FGD3: variants seen among roughly 807,000 people sequenced by gnomAD.
FGD3 encodes FYVE, RhoGEF and PH domain containing 3.
FGD3 carries 45 observed loss-of-function variants against 71.8 expected under a neutral mutation model. The ratio of observed to expected loss-of-function variants is 0.63; its 90% CI spans 0.49 to 0.80. FGD3 has a LOEUF of 0.80. Ranked by LOEUF, FGD3 falls within the 30% of genes least tolerant of loss-of-function variation. The pLI is 0.00. For synonymous variants in FGD3, 378 were observed against 392.8 expected, an observed-to-expected ratio of 0.96 and a Z score of 0.44; for missense variants, 844 against 951.5, an observed-to-expected ratio of 0.89 and a Z score of 1.49.
Position 93,021,959 on chromosome 9 carries a change from G to A in FGD3, c.1495-368G>A, listed in dbSNP as rs373600970. On this transcript the variant is annotated intron_variant, in intron 13 of 17. Transcript: ENST00000375482. Reference sequence around the variant, plus strand: ...GGAGCCTCACTGTGCTGAGAAAGTCGGGGAGCTGCAGAGACTCCACAAGGA... The same window carrying A: ...GGAGCCTCACTGTGCTGAGAAAGTCAGGGAGCTGCAGAGACTCCACAAGGA... Among the ~76,000 whole-genome samples, 19 of 152,280 alleles carry A rather than the reference G, an allele frequency of 1.2e-4. 1 individual carries two copies. Among genetic ancestry groups the A allele is most frequent in the African/African-American group, 9.6e-5 (4 of 41,548 alleles).
In FGD3 at chr9:93,004,138, G is replaced by A; in HGVS notation, c.680+1G>A. Reference sequence around the variant, plus strand: ...TGAAGACGCGGATCACGGAGGAGTGGTGAGTACCATCTGCGCATGCCCATG... The same window carrying A: ...TGAAGACGCGGATCACGGAGGAGTGATGAGTACCATCTGCGCATGCCCATG... On this transcript the variant is annotated splice_donor_variant, in intron 5 of 17. Transcript: ENST00000375482. LOFTEE classifies it high-confidence loss of function. The A allele has an allele frequency of 6.2e-7, 1 of 1,613,684 alleles. No homozygotes were observed. Among genetic ancestry groups the A allele is most frequent in the Non-Finnish European group, 8.5e-7 (1 of 1,180,032 alleles).
chr9:92,988,353 C>T (rs1335944382), intron 3 of FGD3, among the ~76,000 whole-genome samples: 2 of 152,342 alleles, frequency 1.3e-5, no homozygotes, highest in Admixed American at 6.5e-5. Flanking sequence ...CCAGGCAAGA[C>T]CCTGCACAGG....
At chr9:93,010,500 CAGAG>C (rs1338964936) in intron 7 of FGD3, 116 bp downstream of exon 7, 15 of 1,114,744 alleles carry the variant, frequency 1.3e-5, no homozygotes, top group East Asian at 2.8e-5. Flanking sequence ...GAGAGAGAAA[CAGAG>C]AGACCAGAGG....
At chr9:92,994,592 T>C (rs1456416350) in intron 3 of FGD3, among the ~76,000 whole-genome samples, 2 of 152,196 alleles carry the variant, frequency 1.3e-5, no homozygotes, top group African/African-American at 4.8e-5. Flanking sequence ...TCTTCCAGGG[T>C]TTTTATGGTT....
chr9:92,949,040 T>C (rs1382938406), intron 1 of FGD3, among the ~76,000 whole-genome samples: 1 of 152,226 alleles, frequency 6.6e-6, no homozygotes. Context: ...AGCTCATCCC[T>C]TGGGCCTTTA....
At chr9:92,991,783 A>G (rs1860421295) in intron 3 of FGD3, among the ~76,000 whole-genome samples, 1 of 152,154 alleles carries the variant, frequency 6.6e-6, no homozygotes. Flanking sequence ...TTGGAGGTCT[A>G]TCTTTCCCTT....
At chr9:93,015,430 T>C (rs903718494) in intron 9 of FGD3, among the ~76,000 whole-genome samples, 2 of 152,060 alleles carry the variant, frequency 1.3e-5, no homozygotes, top group Non-Finnish European at 2.9e-5. Context: ...CACTTCAGAC[T>C]GGGCAACGAG....
At chr9:92,993,791 G>A (rs1587837582) in intron 3 of FGD3, among the ~76,000 whole-genome samples, 1 of 152,188 alleles carries the variant, frequency 6.6e-6, no homozygotes, top group East Asian at 1.9e-4. Context: ...CAAAGGACAT[G>A]AACTCATCAT....
intron 14 of FGD3, among the ~76,000 whole-genome samples, chr9:93,029,266 C>T (rs936794868): frequency 2.0e-5 from 3 of 152,082 alleles, no homozygotes; most frequent in African/African-American, 7.2e-5. Context: ...GTCTCAAACT[C>T]CTGACCTCAA....
At chr9:93,017,106 A>T (rs1400119223) in intron 10 of FGD3, among the ~76,000 whole-genome samples, 1 of 152,072 alleles carries the variant, frequency 6.6e-6, no homozygotes, top group Non-Finnish European at 1.5e-5. Context: ...GTGTCTCTAT[A>T]AAAAATAAAA....
chr9:92,984,808 T>C (rs1009487556), intron 3 of FGD3, among the ~76,000 whole-genome samples: 1 of 150,926 alleles, frequency 6.6e-6, no homozygotes, highest in Non-Finnish European at 1.5e-5. Flanking sequence ...GAATCTTTTT[T>C]TTCTTTTTTT....
chr9:92,955,277 G>A (rs541747864), intron 1 of FGD3, among the ~76,000 whole-genome samples: 32 of 152,258 alleles, frequency 2.1e-4, no homozygotes, highest in Admixed American at 5.2e-4. Flanking sequence ...GCTCACACCT[G>A]TAATCCCAGC....
At chr9:92,955,821 G>A (rs562148141) in intron 1 of FGD3, among the ~76,000 whole-genome samples, 20 of 152,182 alleles carry the variant, frequency 1.3e-4, no homozygotes, top group Non-Finnish European at 2.5e-4. Flanking sequence ...GAGTCATATA[G>A]CATGTAATCT....
chr9:93,028,010 C>T (rs936456719), intron 14 of FGD3, among the ~76,000 whole-genome samples: 9 of 152,040 alleles, frequency 5.9e-5, no homozygotes, highest in South Asian at 2.1e-4. Context: ...CGAGCCACTG[C>T]GCCTGGGCCT....
At chr9:92,967,944 G>T (rs1431712544) in intron 1 of FGD3, among the ~76,000 whole-genome samples, 3 of 152,206 alleles carry the variant, frequency 2.0e-5, no homozygotes, top group African/African-American at 7.2e-5. Context: ...GGTTTCTAGG[G>T]ATGGACACTT....
intron 1 of FGD3, among the ~76,000 whole-genome samples, chr9:92,971,566 CTTTTTTTTTTTTTTTT>C (rs869043960): frequency 2.5e-5 from 1 of 39,570 alleles, no homozygotes; most frequent in Non-Finnish European, 4.6e-5. Context: ...CTTTTCTTTT[CTTTTTTTTTTTTTTTT>C]TTTTTTTTTT....
At chr9:93,008,702 G>A (rs552623498) in intron 6 of FGD3, among the ~76,000 whole-genome samples, 296 of 152,324 alleles carry the variant, frequency 1.9e-3, no homozygotes, top group Admixed American at 3.9e-3. Context: ...GGTAGCTCAC[G>A]CCTCTAATCC....
In FGD3 at chr9:93,034,535, C is replaced by A. The variant is rs769985329; in HGVS notation, c.1786-6C>A. The stretch of plus-strand genomic sequence containing the variant: ...CTGCCCCTAACCTGTGTCTTTGTGT[C>A]CCCAGAAGACACCCACTGCAGACCC... On this transcript the variant is annotated splice_region_variant and splice_polypyrimidine_tract_variant and intron_variant, in intron 16 of 17. Transcript: ENST00000375482. 6.2e-7 allele frequency: 1 copy of A among 1,608,298 alleles called. No individual in the cohort carries two copies. The highest frequency in any genetic ancestry group is 1.7e-5 in the Admixed American group (1 of 59,444).
intron 1 of FGD3, among the ~76,000 whole-genome samples, chr9:92,963,759 G>A (rs976034578): frequency 2.6e-5 from 4 of 152,208 alleles, no homozygotes; most frequent in African/African-American, 7.2e-5. Flanking sequence ...GCTGCTCAGC[G>A]GGGCAGGTGC....
Sources: gnomAD v4.1 joint callset for allele counts (sites outside exome capture counted in the v4.1 genomes callset) on GRCh38, gnomAD v4.1.1 for gene constraint, MANE v1.5 for transcripts, NCBI Gene and HGNC (gene_info 2026-07-23, HGNC 2026-07-21) for gene names.